The following KMO variants were observed in gnomAD, a reference collection of about 807,000 sequenced individuals.
KMO encodes kynurenine 3-hydroxylase.
Under a neutral mutation model 57.8 loss-of-function variants are expected in KMO, and 24 were observed. The observed-to-expected ratio is 0.42, with a 90% CI of 0.30 to 0.58. KMO has a LOEUF of 0.58. Among genes scored for constraint, KMO ranks in the 20% least tolerant of loss-of-function variants. The probability of loss-of-function intolerance (pLI) is 0.22; values close to 1 mark genes in which losing one functional copy is unlikely to be tolerated. For synonymous variants in KMO, 210 were observed against 193.6 expected (o/e 1.08, Z -0.70); for missense variants, 483 against 588.2 (o/e 0.82, Z 1.85).
chr1:241,537,421 A>C lies in KMO; in HGVS notation c.54+4923A>C, dbSNP rs1660789934. Among the ~76,000 whole-genome samples, 5 of 152,196 alleles carry C rather than the reference A, an allele frequency of 3.3e-5. No homozygotes were observed. The South Asian group carries it at 1.0e-3, about 31-fold the overall frequency. ...TACTTTATATTTTTTGCAAATATTA[A>C]TGAGCTATACCATGAAAAAGACATA... On this transcript the variant is annotated intron_variant, in intron 1 of 14. Coordinates refer to ENST00000366559, the MANE Select transcript of KMO (RefSeq NM_003679.5).
At chr1:241,562,078 T>C in intron 6 of KMO, 89 bp from the exon 7 acceptor site, 1 of 1,059,024 alleles carries the variant, frequency 9.4e-7, no homozygotes, top group Non-Finnish European at 1.4e-6. Flanking sequence ...AAGTTATCTA[T>C]GGAGCCACTA....
chr1:241,534,366 G>A (rs1660682840), intron 1 of KMO, among the ~76,000 whole-genome samples: 1 of 152,178 alleles, frequency 6.6e-6, no homozygotes, highest in Non-Finnish European at 1.5e-5. Context: ...ATAAAAATGT[G>A]GGTGTCATCC....
chr1:241,555,942 G>A (rs1661603728), intron 5 of KMO: 1 of 259,154 alleles, frequency 3.9e-6, no homozygotes, highest in Admixed American at 5.1e-5. Flanking sequence ...AAAATTAGCT[G>A]GGTGTAGAAG....
At chr1:241,555,704 C>T (rs749293193) in intron 5 of KMO, 44 bp downstream of exon 5, 6 of 1,109,326 alleles carry the variant, frequency 5.4e-6, no homozygotes, top group South Asian at 1.3e-5. Flanking sequence ...TTGAGTAAAG[C>T]ACATGACACT....
Position 241,594,144 on chromosome 1 carries a change from T to C in KMO, c.*1991T>C. 5.9e-6 allele frequency: 2 copies of C among 337,226 alleles called. No homozygotes were observed. Among genetic ancestry groups the C allele is most frequent in the East Asian group, 1.0e-4 (2 of 19,440 alleles). 20.9% of individuals were successfully genotyped at this position (337,226 alleles called of 1,614,324 possible). On this transcript the variant is annotated 3_prime_UTR_variant, in exon 15 of 15. Transcript: ENST00000366559. Reference sequence around the variant, plus strand: ...AAAATAGAGTAATTTAAAAAATATATTTGAAATGAAAATCTCCAACACATT... The same window carrying C: ...AAAATAGAGTAATTTAAAAAATATACTTGAAATGAAAATCTCCAACACATT...
rs776736150 is a variant in KMO at position 241,550,980 on chromosome 1, G to T, written c.248G>T (p.Arg83Ile). 1.4e-5 allele frequency: 22 copies of T among 1,550,208 alleles called. No homozygotes were observed. The highest frequency in any genetic ancestry group is 1.7e-5 in the Non-Finnish European group (20 of 1,152,584). The change falls in exon 4 of 15, where the codon AGA (arginine) becomes ATA (isoleucine). Residue 83 changes from arginine (R) to isoleucine (I), a missense_variant. Around this residue, in one of 3 missense-constraint regions of KMO, gnomAD observed 410 missense variants for 492.3 expected, o/e 0.83. Transcript: ENST00000366559. ...ATTGTATCCCAAGGTATTCCCATGAGAGCAAGAATGATCCACTCTCTTTCA... is the reference window on the plus strand; with the variant it reads ...ATTGTATCCCAAGGTATTCCCATGATAGCAAGAATGATCCACTCTCTTTCA... ...DQIVSQGIPM[R>I]ARMIHSLSGK...
intron 1 of KMO, among the ~76,000 whole-genome samples, chr1:241,543,066 A>G (rs923011854): frequency 2.0e-5 from 3 of 152,118 alleles, no homozygotes; most frequent in Non-Finnish European, 1.5e-5. Flanking sequence ...TTCCTTACAC[A>G]GTATTATGAC....
intron 1 of KMO, among the ~76,000 whole-genome samples, chr1:241,537,185 T>G (rs1314513506): frequency 1.3e-5 from 2 of 152,186 alleles, no homozygotes; most frequent in East Asian, 3.9e-4. Context: ...AGATTGCTAG[T>G]CTTTTAACAC....
chr1:241,588,466 G>T (rs1204717788), intron 11 of KMO, among the ~76,000 whole-genome samples: 1 of 150,800 alleles, frequency 6.6e-6, no homozygotes, highest in Non-Finnish European at 1.5e-5. Flanking sequence ...TTGATAGAGG[G>T]TTTATGCATA....
rs557222832 is a variant in KMO, at chr1:241,564,091, A to T, written c.616-896A>T. 7.2e-5 allele frequency among the ~76,000 whole-genome samples: 11 copies of T among 152,322 alleles called. No individual in the cohort carries two copies. In the South Asian group the frequency reaches 2.3e-3, roughly 32 times the overall value. ...TTCTTTGGGAGTCTGAGGCTAAAAA[A>T]ACAAGGAAGACACAGTCCCTTCACC... On this transcript the variant is annotated intron_variant, in intron 7 of 14. Coordinates refer to ENST00000366559, the MANE Select transcript of KMO (RefSeq NM_003679.5).
Position 241,549,718 on chromosome 1 carries a change from T to C in KMO, c.166T>C (p.Leu56=). 6.2e-7 allele frequency: 1 copy of C among 1,613,790 alleles called. No individual in the cohort carries two copies. Among genetic ancestry groups the C allele is most frequent in the Non-Finnish European group, 8.5e-7 (1 of 1,179,778 alleles). The change falls in exon 3 of 15, where the codon TTA becomes CTA. Residue 56 remains leucine, a synonymous_variant. Transcript: ENST00000366559. ...CTTCACACGTGGAAGAAGCATTAAC[T>C]TAGCCCTTTCTCATAGAGGACGACA... ...ATFTRGRSIN[L]ALSHRGRQAL...
At chr1:241,533,832 G>A (rs1660662746) in intron 1 of KMO, among the ~76,000 whole-genome samples, 1 of 152,192 alleles carries the variant, frequency 6.6e-6, no homozygotes, top group Non-Finnish European at 1.5e-5. Context: ...TGTGGTCAGG[G>A]ACAGCTGCTC....
intron 10 of KMO, among the ~76,000 whole-genome samples, chr1:241,568,894 G>A (rs970880387): frequency 2.6e-5 from 4 of 152,018 alleles, no homozygotes; most frequent in Non-Finnish European, 2.9e-5. Context: ...ATCACCAAGG[G>A]ATCAGCTCCA....
At chr1:241,573,391 A>G (rs1185106316) in intron 10 of KMO, among the ~76,000 whole-genome samples, 1 of 151,986 alleles carries the variant, frequency 6.6e-6, no homozygotes, top group Non-Finnish European at 1.5e-5. Flanking sequence ...TATATTCTAG[A>G]ATTTTTATGG....
At position 241,594,760 on chromosome 1, in the gene KMO, G is replaced by A. The variant is rs574726565; in HGVS notation, c.*2607G>A. 1 of 1,535,314 alleles carries A rather than the reference G, an allele frequency of 6.5e-7. No individual in the cohort carries two copies. The highest frequency in any genetic ancestry group is 1.2e-5 in the South Asian group (1 of 80,046). On this transcript the variant is annotated 3_prime_UTR_variant, in exon 15 of 15. Coordinates refer to ENST00000366559, the MANE Select transcript of KMO (RefSeq NM_003679.5). Reference sequence around the variant, plus strand: ...GCACTAATCTGGATTAACATTCGAGGAAATCAGTTGAGCTGAATTTAAGTT... The same window carrying A: ...GCACTAATCTGGATTAACATTCGAGAAAATCAGTTGAGCTGAATTTAAGTT...
intron 10 of KMO, among the ~76,000 whole-genome samples, chr1:241,584,441 C>T (rs571402061): frequency 8.3e-4 from 127 of 152,284 alleles, no homozygotes; most frequent in African/African-American, 2.6e-3. Context: ...GACAGTGTGG[C>T]GATTCCTCAA....
At position 241,564,997 on chromosome 1, in the gene KMO, A is replaced by T; in HGVS notation, c.626A>T (p.Glu209Val). The T allele has an allele frequency of 6.2e-7, 1 of 1,602,600 alleles. No homozygotes were observed. Among genetic ancestry groups the T allele is most frequent in the Non-Finnish European group, 8.5e-7 (1 of 1,169,898 alleles). ...IPPKNGDYAM[E>V]PNYLHIWPRN... ...TTCTTTTTTCTGCAGTATGCCATGG[A>T]ACCTAATTATCTGCATATTTGGCCT... is the stretch of plus-strand genomic sequence containing the variant. The change falls in exon 8 of 15, where the codon GAA becomes GTA. Residue 209 changes from glutamate to valine, a missense_variant. This residue lies in a region of KMO where 410 missense variants were observed against 492.3 expected (regional missense o/e 0.83). Transcript: ENST00000366559.
At position 241,590,017 on chromosome 1, in the gene KMO, A is replaced by C. The variant is rs747375137; in HGVS notation, c.1104A>C (p.Arg368=). The C allele has an allele frequency of 7.3e-5, 117 of 1,613,172 alleles. No individual in the cohort carries two copies. Among genetic ancestry groups the C allele is most frequent in the Non-Finnish European group, 8.9e-5 (105 of 1,179,244 alleles). ...DLSMYNYIEM[R]AHVNSSWFIF... is the part of the protein sequence containing the mutation. ...TAAGACTGTCATTATTGCAGATGCGAGCACATGTCAACTCAAGCTGGTTCA... is the reference window on the plus strand; with the variant it reads ...TAAGACTGTCATTATTGCAGATGCGCGCACATGTCAACTCAAGCTGGTTCA... The change falls in exon 13 of 15, where the codon CGA becomes CGC. Residue 368 remains arginine (R), a synonymous_variant. Transcript: ENST00000366559.
At chr1:241,544,307 G>A (rs4518887) in intron 1 of KMO, among the ~76,000 whole-genome samples, 46,415 of 152,030 alleles carry the variant, frequency 0.31, 7,959 homozygotes, top group Non-Finnish European at 0.39. Context: ...GGTAAAAACC[G>A]TGATTCCTTT....
Sources: gnomAD v4.1 joint callset for allele counts (sites outside exome capture counted in the v4.1 genomes callset) on GRCh38, gnomAD v4.1.1 for gene constraint, gnomAD v4.1.1 regional missense constraint, MANE v1.5 for transcripts, NCBI Gene and HGNC (gene_info 2026-07-23, HGNC 2026-07-21) for gene names.